Variants in HPD observed in about 807,000 individuals in gnomAD.
HPD encodes 4-hydroxyphenylpyruvate dioxygenase, also known as 4-hydroxyphenylpyruvic acid oxidase.
HPD carries 35 observed loss-of-function variants against 56.9 expected under a neutral mutation model. The observed-to-expected ratio is 0.62, with a 90% CI of 0.47 to 0.82. The LOEUF (loss-of-function observed/expected upper bound fraction) is 0.82, where lower values mean the gene tolerates loss of function less well. HPD is among the 40% of genes least tolerant of loss of function. The pLI, the probability that HPD is intolerant of heterozygous loss-of-function variation, is 0.00. For missense variants in HPD, 442 were observed against 506.8 expected, an observed-to-expected ratio of 0.87 and a Z score of 1.23; for synonymous variants, 186 against 200.2, an observed-to-expected ratio of 0.93 and a Z score of 0.60.
chr12:121,869,344 T>C, the HPD span, among the ~76,000 whole-genome samples: 1 of 82,840 alleles, frequency 1.2e-5, no homozygotes, highest in Admixed American at 1.4e-4. Context: ...GAGTGAAACT[T>C]CGTCTCAAAA....
At chr12:121,860,133 G>C (rs866883663), upstream of HPD, among the ~76,000 whole-genome samples, 1 of 152,142 alleles carries the variant, frequency 6.6e-6, no homozygotes, top group Non-Finnish European at 1.5e-5. Flanking sequence ...CCTCCAGCCT[G>C]GGTGACAGAG....
At chr12:121,872,815 A>G in the HPD span, among the ~76,000 whole-genome samples, 1,291 of 152,150 alleles carry the variant, frequency 8.5e-3, 21 homozygotes, top group East Asian at 0.044. Context: ...GAAGGAAAAC[A>G]TGCTTGTATA....
At chr12:121,882,577 C>A in the HPD span, among the ~76,000 whole-genome samples, 2 of 152,182 alleles carry the variant, frequency 1.3e-5, no homozygotes, top group African/African-American at 2.4e-5. Context: ...GATAAACAAG[C>A]CTCAGTCCAC....
intron 12 of HPD, among the ~76,000 whole-genome samples, chr12:121,840,823 C>T (rs954625767): frequency 6.6e-6 from 1 of 151,512 alleles, no homozygotes; most frequent in South Asian, 2.1e-4. Context: ...TTTGGGAGGC[C>T]GAGGCAGGTG....
upstream of HPD, among the ~76,000 whole-genome samples, chr12:121,864,420 G>A (rs1012820790): frequency 1.3e-5 from 2 of 151,738 alleles, no homozygotes; most frequent in African/African-American, 4.8e-5. Flanking sequence ...GGCTATAGTG[G>A]TGCATGCCCG....
intron 6 of HPD, among the ~76,000 whole-genome samples, chr12:121,855,843 G>A (rs1382479270): frequency 2.0e-5 from 3 of 151,934 alleles, no homozygotes; most frequent in Non-Finnish European, 2.9e-5. Flanking sequence ...GGTGGCGCAT[G>A]CCTGTAATCC....
At chr12:121,863,393 A>G (rs10840624), upstream of HPD, 57,379 of 152,110 alleles carry the variant, frequency 0.38, 11,259 homozygotes, top group African/African-American at 0.46. Context: ...GCACTCCTTC[A>G]GACTGGACTC....
At position 121,848,794 on chromosome 12, in the gene HPD, C is replaced by T. The variant is rs35633723; in HGVS notation, c.596+205G>A. Among the ~76,000 whole-genome samples, 48,874 of 151,842 alleles carry T rather than the reference C, an allele frequency of 0.32. 8,244 individuals carry two copies. The highest frequency in any genetic ancestry group is 0.4 in the Middle Eastern group (118 of 294). On this transcript the variant is annotated intron_variant, in intron 9 of 13. Coordinates refer to ENST00000289004, the MANE Select transcript of HPD (RefSeq NM_002150.3). ...TGAGTTTTTATATTTTTAGTAGAGA[C>T]GGGGTTTCTCCATATTGGTCAGGCT...
chr12:121,866,059 A>C (rs1437459058), upstream of HPD, among the ~76,000 whole-genome samples: 1 of 152,106 alleles, frequency 6.6e-6, no homozygotes, highest in Admixed American at 6.6e-5. Context: ...GCACTTTGGG[A>C]GGCCGAGGTG....
At chr12:121,885,045 C>T in the HPD span, among the ~76,000 whole-genome samples, 1 of 152,042 alleles carries the variant, frequency 6.6e-6, no homozygotes, top group East Asian at 1.9e-4. Flanking sequence ...TGCCTGCCAC[C>T]ACGCCCAGCT....
At chr12:121,853,424 C>G (rs1282791426) in intron 7 of HPD, among the ~76,000 whole-genome samples, 2 of 148,676 alleles carry the variant, frequency 1.3e-5, no homozygotes, top group South Asian at 2.1e-4. Flanking sequence ...GTCAGGAGAT[C>G]GAGACCATCC....
intron 12 of HPD, among the ~76,000 whole-genome samples, chr12:121,843,420 TAG>T (rs1488255880): frequency 6.6e-6 from 1 of 152,242 alleles, no homozygotes; most frequent in Non-Finnish European, 1.5e-5. Flanking sequence ...GCTCATGATC[TAG>T]ACTTCACTCA....
At chr12:121,845,756 C>T (rs1013495775) in intron 11 of HPD, among the ~76,000 whole-genome samples, 1 of 152,132 alleles carries the variant, frequency 6.6e-6, no homozygotes, top group Non-Finnish European at 1.5e-5. Context: ...TCCCAATTCC[C>T]TGCTTTACTT....
the HPD span, among the ~76,000 whole-genome samples, chr12:121,886,333 C>T: frequency 1.3e-5 from 2 of 151,270 alleles, no homozygotes; most frequent in African/African-American, 4.9e-5. Context: ...TGGTCTCGAT[C>T]TCCTAACCTC....
upstream of HPD, among the ~76,000 whole-genome samples, chr12:121,864,855 AAACAACAAC>A (rs149108918): frequency 1.9e-3 from 288 of 150,660 alleles, 1 homozygote; most frequent in African/African-American, 6.8e-3. Context: ...TCCGTCTCAA[AAACAACAAC>A]AACAACAACA....
chr12:121,850,966 C>G (rs572174805), intron 7 of HPD, among the ~76,000 whole-genome samples: 2 of 151,058 alleles, frequency 1.3e-5, no homozygotes, highest in Non-Finnish European at 3.0e-5. Flanking sequence ...CGGGTTCAAG[C>G]GATTCTCCTG....
the HPD span, among the ~76,000 whole-genome samples, chr12:121,880,427 C>G: frequency 6.6e-6 from 1 of 152,114 alleles, no homozygotes; most frequent in South Asian, 2.1e-4. Flanking sequence ...AACTCCTGAC[C>G]TCGTGATCCA....
intron 1 of HPD, 35 bp from the exon 2 acceptor site, chr12:121,858,748 G>A: frequency 5.0e-6 from 8 of 1,613,998 alleles, no homozygotes; most frequent in Non-Finnish European, 6.8e-6. Context: ...AGACTTGGAG[G>A]TTCCAACACA....
Position 121,843,628 on chromosome 12 carries a change from G to A in HPD, c.954+82C>T, listed in dbSNP as rs539828210. 1,122 of 1,545,440 alleles carry A rather than the reference G, an allele frequency of 7.3e-4. 5 individuals are homozygous for A. The highest frequency in any genetic ancestry group is 8.3e-4 in the South Asian group (73 of 87,592). On this transcript the variant is annotated intron_variant, in intron 12 of 13. Transcript: ENST00000289004. The stretch of plus-strand genomic sequence containing the variant: ...AGGGACTTGGTCTGGGCTCCCCTCC[G>A]GGCTGAGACAATATTTCTGAAAAGA...
Sources: gnomAD v4.1 joint callset for allele counts (sites outside exome capture counted in the v4.1 genomes callset) on GRCh38, gnomAD v4.1.1 for gene constraint, MANE v1.5 for transcripts, NCBI Gene and HGNC (gene_info 2026-07-23, HGNC 2026-07-21) for gene names.